The following ZNF358 variants were observed in gnomAD, a reference collection of about 807,000 sequenced individuals.
ZNF358 encodes the protein zinc finger protein 358.
In ZNF358, 1 loss-of-function variant was observed where a neutral mutation model predicts 2.1. The observed-to-expected ratio is 0.49, with a 90% confidence interval of 0.17 to 2.30. The LOEUF (loss-of-function observed/expected upper bound fraction) is 2.30, where lower values mean the gene tolerates loss of function less well. ZNF358 is among the 30% of genes most tolerant of loss of function. The pLI is 0.26. For synonymous variants in ZNF358, 381 were observed against 359.7 expected (o/e 1.06, Z -0.67); for missense variants, 665 against 806.8 (o/e 0.82, Z 2.13).
chr19:7,517,933 A>G (rs1407408076), intron 1 of ZNF358, among the ~76,000 whole-genome samples: 3 of 152,198 alleles, frequency 2.0e-5, no homozygotes, highest in Non-Finnish European at 1.5e-5. Flanking sequence ...TCCCTACCAG[A>G]ACTCGCCCCC....
chr19:7,520,483 C>T lies in ZNF358; in HGVS notation c.1241C>T (p.Ala414Val). 9.2e-7 allele frequency: 1 copy of T among 1,084,632 alleles called. No homozygotes were observed. Among genetic ancestry groups the T allele is most frequent in the Non-Finnish European group, 1.3e-6 (1 of 775,842 alleles). The allele number at this position is 1,084,632 out of a possible 1,614,324, so 67.2% of individuals were successfully genotyped here. A position where few individuals can be genotyped will look rare whatever the true frequency, so the allele number is the denominator to read the frequency against. ...AAAAAAAAAA[A>V]AAGLGLGPGL... ...GCCGCGGCCGCTGCAGCTGCAGCAGCGGCCGCCGGCCTGGGCCTCGGGCCT... is the reference window on the plus strand; with the variant it reads ...GCCGCGGCCGCTGCAGCTGCAGCAGTGGCCGCCGGCCTGGGCCTCGGGCCT... The change falls in exon 2 of 2, where the codon GCG becomes GTG. Residue 414 changes from alanine to valine, a missense_variant. Ala to Val is a moderately conservative substitution (Grantham distance 64, BLOSUM62 0). Around this residue, in one of 3 missense-constraint regions of ZNF358, gnomAD observed 249 missense variants for 227.6 expected, o/e 1.09. Transcript: ENST00000597229. The surrounding 1 kb of genome is among the most constrained non-coding windows in gnomAD (Gnocchi z 6.0).
intron 1 of ZNF358, among the ~76,000 whole-genome samples, chr19:7,518,658 G>A: frequency 6.6e-6 from 1 of 152,198 alleles, no homozygotes; most frequent in East Asian, 1.9e-4. Flanking sequence ...GAGAGGCCGA[G>A]GTGGGAGGAT....
chr19:7,517,352 T>C (rs1337660778), intron 1 of ZNF358, among the ~76,000 whole-genome samples: 2 of 152,062 alleles, frequency 1.3e-5, no homozygotes, highest in African/African-American at 2.4e-5. Flanking sequence ...CCCCATTAAC[T>C]TCAGAGGGTC....
At position 7,519,621 on chromosome 19, in the gene ZNF358, CTCA is replaced by C; in HGVS notation, c.380_382del (p.Leu127_Thr128delinsPro). ...AAAAGTGGACCCCATCTCCTCTGGC[CTCA>C]CTGCCACCCCCCAGGTCTTGGCCAC... is the stretch of plus-strand genomic sequence containing the variant. On this transcript the variant is annotated inframe_deletion, in exon 2 of 2. Coordinates refer to ENST00000597229, the MANE Select transcript of ZNF358 (RefSeq NM_018083.5). The C allele has an allele frequency of 6.3e-7, 1 of 1,596,592 alleles. No individual in the cohort carries two copies. The highest frequency in any genetic ancestry group is 8.5e-7 in the Non-Finnish European group (1 of 1,178,252).
At chr19:7,514,866 C>G (rs1825615122), upstream of ZNF358, among the ~76,000 whole-genome samples, 2 of 152,168 alleles carry the variant, frequency 1.3e-5, no homozygotes, top group African/African-American at 2.4e-5. Context: ...CTCCTGACCT[C>G]AAGATCCACC....
chr19:7,520,478 A>AGCT lies in ZNF358; in HGVS notation c.1238_1239insTGC (p.Ala416dup). The AGCT allele has an allele frequency of 3.2e-6, 2 of 627,000 alleles. No homozygotes were observed. The highest frequency in any genetic ancestry group is 5.0e-6 in the Non-Finnish European group (2 of 403,746). The allele number at this position is 627,000 out of a possible 1,614,324, so 38.8% of individuals were successfully genotyped here. A position where few individuals can be genotyped will look rare whatever the true frequency, so the allele number is the denominator to read the frequency against. Reference sequence around the variant, plus strand: ...CAGCTGCCGCGGCCGCTGCAGCTGCAGCAGCGGCCGCCGGCCTGGGCCTCG... The same window carrying AGCT: ...CAGCTGCCGCGGCCGCTGCAGCTGCAGCTGCAGCGGCCGCCGGCCTGGGCCTCG... On this transcript the variant is annotated inframe_insertion, in exon 2 of 2. Coordinates refer to ENST00000597229, the MANE Select transcript of ZNF358 (RefSeq NM_018083.5). This position sits in a 1 kb window ranked among gnomAD's most constrained non-coding sequence, Gnocchi z 6.0.
Position 7,519,086 on chromosome 19 carries a change from A to C in ZNF358, c.-38-119A>C. On this transcript the variant is annotated intron_variant, in intron 1 of 1. Transcript: ENST00000597229. The stretch of plus-strand genomic sequence containing the variant: ...TCTCAAAAAAAAAAAAAAAAAAAAA[A>C]AGAAGTGGGTTCTGGGGGCACAATC... 5.3e-6 allele frequency: 6 copies of C among 1,132,354 alleles called. No homozygotes were observed. In the South Asian group the frequency reaches 1.5e-4, roughly 28 times the overall value. The allele number at this position is 1,132,354 out of a possible 1,614,324, so 70.1% of individuals were successfully genotyped here.
chr19:7,520,677 C>G lies in ZNF358; in HGVS notation c.1435C>G (p.Leu479Val). 1 of 1,612,298 alleles carries G rather than the reference C, an allele frequency of 6.2e-7. No individual in the cohort carries two copies. The highest frequency in any genetic ancestry group is 8.5e-7 in the Non-Finnish European group (1 of 1,179,096). The change falls in exon 2 of 2, where the codon CTC (leucine) becomes GTC (valine). Residue 479 changes from leucine (L) to valine (V), a missense_variant. Coordinates refer to ENST00000597229, the MANE Select transcript of ZNF358 (RefSeq NM_018083.5). The surrounding 1 kb of genome is among the most constrained non-coding windows in gnomAD (Gnocchi z 6.0). ...GTLPDPSSKP[L>V]PGSRSTPSPT... ...TCTGCCGGATCCCAGCTCCAAACCC[C>G]TCCCCGGCTCCAGATCCACCCCCAG...
chr19:7,520,615 C>T lies in ZNF358; in HGVS notation c.1373C>T (p.Ser458Phe). 1 of 1,500,386 alleles carries T rather than the reference C, an allele frequency of 6.7e-7. No individual in the cohort carries two copies. Among genetic ancestry groups the T allele is most frequent in the Non-Finnish European group, 9.1e-7 (1 of 1,098,526 alleles). The allele number at this position is 1,500,386 out of a possible 1,614,324, so 92.9% of individuals were successfully genotyped here. ...SGLGLSPGTSSGRNPDPGSGP... is the reference protein window; with the variant it reads ...SGLGLSPGTSFGRNPDPGSGP... ...TTGGGCCTCAGCCCTGGCACCAGCTCTGGCCGCAACCCTGACCCTGGCTCT... is the reference window on the plus strand; with the variant it reads ...TTGGGCCTCAGCCCTGGCACCAGCTTTGGCCGCAACCCTGACCCTGGCTCT... The change falls in exon 2 of 2, where the codon TCT becomes TTT. Residue 458 changes from serine to phenylalanine, a missense_variant. Physicochemically the swap from Ser to Phe is radical, Grantham distance 155. Coordinates refer to ENST00000597229, the MANE Select transcript of ZNF358 (RefSeq NM_018083.5). The surrounding 1 kb of genome is among the most constrained non-coding windows in gnomAD (Gnocchi z 6.0).
At chr19:7,514,280 G>A (rs960549760), upstream of ZNF358, among the ~76,000 whole-genome samples, 5 of 152,206 alleles carry the variant, frequency 3.3e-5, no homozygotes, top group Admixed American at 3.3e-4. Context: ...GGGAAGGGGT[G>A]TTAGACACAT....
In ZNF358 at chr19:7,520,790, C is replaced by G. The variant is rs1315599906; in HGVS notation, c.1548C>G (p.Pro516=). The G allele has an allele frequency of 1.9e-6, 3 of 1,611,698 alleles. No individual in the cohort carries two copies. The African/African-American group carries it at 4.1e-5, about 22-fold the overall frequency. Residue 516 remains proline, a synonymous_variant, in exon 2 of 2, where the codon CCC becomes CCG. Coordinates refer to ENST00000597229, the MANE Select transcript of ZNF358 (RefSeq NM_018083.5). The surrounding 1 kb of genome is among the most constrained non-coding windows in gnomAD (Gnocchi z 6.0). The part of the protein sequence containing the change: ...LVPSPDLDPV[P]SPDPDPVPSP... ...CCAGCCCAGACCTTGATCCTGTGCC[C>G]AGCCCAGACCCTGATCCTGTGCCCA...
At position 7,516,117 on chromosome 19, in the gene ZNF358, G is replaced by A. The variant is rs1416510141; in HGVS notation, c.-171G>A. On this transcript the variant is annotated 5_prime_UTR_variant, in exon 1 of 2. Transcript: ENST00000597229. The surrounding 1 kb of genome is among the most constrained non-coding windows in gnomAD (Gnocchi z 5.9). ...CCTCGGCCGGCCCCTCTCGCTCCCCGGGAGCGCCTGGCGGGGCCGCTGGGC... is the reference window on the plus strand; with the variant it reads ...CCTCGGCCGGCCCCTCTCGCTCCCCAGGAGCGCCTGGCGGGGCCGCTGGGC... 6.9e-6 allele frequency: 1 copy of A among 144,396 alleles called. No individual in the cohort carries two copies. The highest frequency in any genetic ancestry group is 1.5e-5 in the Non-Finnish European group (1 of 64,652). The allele number at this position is 144,396 out of a possible 1,614,324, so 8.9% of individuals were successfully genotyped here.
Position 7,519,231 on chromosome 19 carries a change from T to C in ZNF358, c.-12T>C. On this transcript the variant is annotated 5_prime_UTR_variant, in exon 2 of 2. Coordinates refer to ENST00000597229, the MANE Select transcript of ZNF358 (RefSeq NM_018083.5). Reference sequence around the variant, plus strand: ...TCTTGCCCCAGAAGCTGCGGGCACATCCACGCCTGAAATGCGGCGCTCAGT... The same window carrying C: ...TCTTGCCCCAGAAGCTGCGGGCACACCCACGCCTGAAATGCGGCGCTCAGT... 2.5e-6 allele frequency: 4 copies of C among 1,610,486 alleles called. No homozygotes were observed. Among genetic ancestry groups the C allele is most frequent in the Non-Finnish European group, 2.5e-6 (3 of 1,178,254 alleles).
Position 7,519,373 on chromosome 19 carries a change from A to G in ZNF358, c.131A>G (p.Glu44Gly). Residue 44 changes from glutamate to glycine, a missense_variant, in exon 2 of 2, where the codon GAG becomes GGG. This residue lies in a region of ZNF358 where 206 missense variants were observed against 228.4 expected (regional missense o/e 0.90). Transcript: ENST00000597229. ...EDLDPVSEDPEPDPEDLNTVP... is the reference protein window; with the variant it reads ...EDLDPVSEDPGPDPEDLNTVP... ...CTGGACCCGGTTTCTGAAGACCCAGAGCCTGATCCTGAAGACCTCAACACT... is the reference window on the plus strand; with the variant it reads ...CTGGACCCGGTTTCTGAAGACCCAGGGCCTGATCCTGAAGACCTCAACACT... 6.2e-7 allele frequency: 1 copy of G among 1,613,494 alleles called. No individual in the cohort carries two copies. Among genetic ancestry groups the G allele is most frequent in the Non-Finnish European group, 8.5e-7 (1 of 1,179,502 alleles).
At chr19:7,515,853 A>C (rs1721991877), upstream of ZNF358, among the ~76,000 whole-genome samples, 1 of 152,056 alleles carries the variant, frequency 6.6e-6, no homozygotes, top group South Asian at 2.1e-4. Context: ...AGAGAGAGGG[A>C]CAGGGATGGA....
Position 7,519,438 on chromosome 19 carries a change from C to A in ZNF358, c.196C>A (p.Pro66Thr), listed in dbSNP as rs764563081. 1 of 1,614,126 alleles carries A rather than the reference C, an allele frequency of 6.2e-7. No individual in the cohort carries two copies. The highest frequency in any genetic ancestry group is 1.1e-5 in the South Asian group (1 of 91,076). Residue 66 changes from proline to threonine, a missense_variant, in exon 2 of 2, where the codon CCC becomes ACC. Around this residue, in one of 3 missense-constraint regions of ZNF358, gnomAD observed 206 missense variants for 228.4 expected, o/e 0.90. Transcript: ENST00000597229. ...DVDPSYEDLE[P>T]VSEDLDPDAE... is the part of the protein sequence containing the mutation. Reference sequence around the variant, plus strand: ...GGACCCCAGCTATGAAGATCTGGAGCCCGTCTCGGAGGATCTGGACCCCGA... The same window carrying A: ...GGACCCCAGCTATGAAGATCTGGAGACCGTCTCGGAGGATCTGGACCCCGA...
rs1210224183 is a variant in ZNF358 at position 7,519,893 on chromosome 19, C to T, written c.651C>T (p.Gly217=). The T allele has an allele frequency of 2.0e-6, 3 of 1,528,922 alleles. No individual in the cohort carries two copies. The Admixed American group carries it at 5.9e-5, about 30-fold the overall frequency. 94.7% of individuals were successfully genotyped at this position (1,528,922 alleles called of 1,614,324 possible). A position where few individuals can be genotyped will look rare whatever the true frequency, so the allele number is the denominator to read the frequency against. ...GCGCGGCCTGCGGCAAGGCCTTCGG[C>T]TGGCGCTCCACGCTGCTGAAACATC... is the stretch of plus-strand genomic sequence containing the variant. ...YQCAACGKAF[G]WRSTLLKHRS... Residue 217 remains glycine (G), a synonymous_variant, in exon 2 of 2, where the codon GGC becomes GGT. Coordinates refer to ENST00000597229, the MANE Select transcript of ZNF358 (RefSeq NM_018083.5).
intron 1 of ZNF358, among the ~76,000 whole-genome samples, chr19:7,518,827 G>A (rs924459178): frequency 1.3e-5 from 2 of 152,078 alleles, no homozygotes; most frequent in African/African-American, 4.8e-5. Context: ...CACTTTGGGA[G>A]GCTGAGGCAT....
Position 7,520,261 on chromosome 19 carries a change from T to C in ZNF358, c.1019T>C (p.Ile340Thr), listed in dbSNP as rs1280761703. ...QSSNLQHHLR[I>T]HTGERPYACP... The stretch of plus-strand genomic sequence containing the variant: ...TCCAACTTGCAACACCACCTGCGCA[T>C]CCACACGGGCGAGCGGCCCTACGCC... The change falls in exon 2 of 2, where the codon ATC becomes ACC. Residue 340 changes from isoleucine to threonine, a missense_variant. This residue lies in a region of ZNF358 where 210 missense variants were observed against 350.8 expected (regional missense o/e 0.60). Transcript: ENST00000597229. The surrounding 1 kb of genome is among the most constrained non-coding windows in gnomAD (Gnocchi z 6.0). 1.1e-5 allele frequency: 17 copies of C among 1,600,860 alleles called. No homozygotes were observed. In the East Asian group the frequency reaches 1.4e-4, roughly 13 times the overall value.
Sources: allele counts gnomAD v4.1 joint callset (sites outside exome capture counted in the v4.1 genomes callset), GRCh38; gene constraint gnomAD v4.1.1; regional missense constraint gnomAD v4.1.1; non-coding constraint Gnocchi (gnomAD v3.1); transcripts MANE v1.5; gene names NCBI Gene and HGNC (gene_info 2026-07-23, HGNC 2026-07-21).